Variants in RAB19 observed in about 807,000 individuals in gnomAD.
The protein encoded by RAB19 is RAB19, member RAS oncogene family.
In RAB19, 21 loss-of-function variants were observed where a neutral mutation model predicts 17.3. The observed-to-expected ratio is 1.21, with a 90% confidence interval of 0.86 to 1.74. The LOEUF is 1.74. Ranked by LOEUF, RAB19 falls within the 40% of genes most tolerant of loss-of-function variation. RAB19 has a pLI of 0.00. For missense variants in RAB19, 277 were observed against 286.8 expected (o/e 0.97, Z 0.25); for synonymous variants, 126 against 110.4 (o/e 1.14, Z -0.88).
chr7:140,414,748 G>A (rs561484578), intron 3 of RAB19, among the ~76,000 whole-genome samples: 17 of 152,208 alleles, frequency 1.1e-4, no homozygotes, highest in African/African-American at 1.9e-4. Flanking sequence ...CCTCATACAC[G>A]TGCTTCTTTC....
In RAB19 at chr7:140,407,906, T is replaced by C. The variant is rs79139287; in HGVS notation, c.201+59T>C. On this transcript the variant is annotated intron_variant, in intron 2 of 3. Transcript: ENST00000537763. ...TTTTTTTTTTTTTTTTTTTTTTTTT[T>C]CCTTGAGACGGAGTCTCGCGCGATC... 4.3e-4 allele frequency: 468 copies of C among 1,079,014 alleles called. 5 individuals carry two copies. The African/African-American group carries it at 7.4e-3, about 17-fold the overall frequency. 66.8% of individuals were successfully genotyped at this position (1,079,014 alleles called of 1,614,324 possible). A position where few individuals can be genotyped will look rare whatever the true frequency, so the allele number is the denominator to read the frequency against.
intron 2 of RAB19, among the ~76,000 whole-genome samples, chr7:140,410,459 T>C (rs944480403): frequency 3.3e-5 from 5 of 151,872 alleles, no homozygotes; most frequent in African/African-American, 7.3e-5. Flanking sequence ...CCCGAGTAGC[T>C]GGGACTACAG....
At chr7:140,420,264 T>C (rs1001253631) in intron 3 of RAB19, among the ~76,000 whole-genome samples, 1 of 151,354 alleles carries the variant, frequency 6.6e-6, no homozygotes, top group African/African-American at 2.4e-5. Context: ...CTACTAAAGA[T>C]ACAAAAAATA....
intron 2 of RAB19, among the ~76,000 whole-genome samples, chr7:140,409,850 G>A (rs36019125): frequency 0.15 from 22,619 of 150,992 alleles, 2,138 homozygotes; most frequent in Admixed American, 0.22. Flanking sequence ...AAAATCAGCC[G>A]GGCCTGGTGG....
chr7:140,423,757 T>G lies in RAB19; in HGVS notation c.386-2125T>G, dbSNP rs572810023. Among the ~76,000 whole-genome samples, 145 of 152,316 alleles carry G rather than the reference T, an allele frequency of 9.5e-4. 1 individual carries two copies. Among genetic ancestry groups the G allele is most frequent in the African/African-American group, 3.1e-3 (129 of 41,582 alleles). On this transcript the variant is annotated intron_variant, in intron 3 of 3. Transcript: ENST00000537763. ...TTCAGTGCTTTGACTGTGGTGGTGA[T>G]TGAAGGAATCTACGCATGTGATCAA...
intron 2 of RAB19, among the ~76,000 whole-genome samples, chr7:140,411,491 G>T (rs1367224352): frequency 6.6e-6 from 1 of 151,170 alleles, no homozygotes; most frequent in African/African-American, 2.4e-5. Context: ...AAGAAGAATT[G>T]TCTTGGGCCA....
chr7:140,426,294 CCA>C lies in RAB19; in HGVS notation c.*148_*149del, dbSNP rs1031343080. ...CCCTAATCCTCCCAGTCTGGATGGG[CCA>C]CACTTCTCCCTTGACTCACACCACA... On this transcript the variant is annotated 3_prime_UTR_variant, in exon 4 of 4. Transcript: ENST00000537763. 3.4e-5 allele frequency: 30 copies of C among 887,328 alleles called. No individual in the cohort carries two copies. The highest frequency in any genetic ancestry group is 5.0e-5 in the Non-Finnish European group (30 of 598,236). The allele number at this position is 887,328 out of a possible 1,614,324, so 55.0% of individuals were successfully genotyped here.
At chr7:140,405,775 C>T (rs1239070870) in intron 1 of RAB19, among the ~76,000 whole-genome samples, 23 of 116,856 alleles carry the variant, frequency 2.0e-4, no homozygotes, top group African/African-American at 7.5e-4. Context: ...GGTGACAGAG[C>T]GAGACTCTGT....
intron 3 of RAB19, among the ~76,000 whole-genome samples, chr7:140,416,633 G>A (rs150651028): frequency 3.3e-5 from 5 of 152,310 alleles, no homozygotes; most frequent in South Asian, 2.1e-4. Context: ...GGGCAGGGCC[G>A]TCTGTCACTG....
chr7:140,419,351 G>A (rs1424356877), intron 3 of RAB19, among the ~76,000 whole-genome samples: 2 of 152,152 alleles, frequency 1.3e-5, no homozygotes, highest in Non-Finnish European at 2.9e-5. Flanking sequence ...TTACAGGTGT[G>A]AGCCACTGTG....
At chr7:140,404,581 A>G (rs906120507) in intron 1 of RAB19, 4 of 152,144 alleles carry the variant, frequency 2.6e-5, no homozygotes, top group African/African-American at 7.2e-5. Context: ...GGGTTTTTGC[A>G]TGCAGATTGG....
Position 140,411,941 on chromosome 7 carries a change from C to A in RAB19, c.269C>A (p.Ala90Asp). The A allele has an allele frequency of 6.2e-7, 1 of 1,614,196 alleles. No individual in the cohort carries two copies. The highest frequency in any genetic ancestry group is 8.5e-7 in the Non-Finnish European group (1 of 1,180,050). Residue 90 changes from alanine to aspartate, a missense_variant, in exon 3 of 4, where the codon GCC (alanine) becomes GAC (aspartate). Physicochemically the swap from Ala to Asp is moderately radical, Grantham distance 126 (BLOSUM62 -2). Coordinates refer to ENST00000537763, the MANE Select transcript of RAB19 (RefSeq NM_001008749.3). ...ATCACCCAAAGCTACTACCGCAGTGCCCACGCAGCCATCATCGCCTATGAC... is the reference window on the plus strand; with the variant it reads ...ATCACCCAAAGCTACTACCGCAGTGACCACGCAGCCATCATCGCCTATGAC... ...RTITQSYYRS[A>D]HAAIIAYDLT...
chr7:140,416,562 G>A lies in RAB19; in HGVS notation c.385+4505G>A, dbSNP rs73478815. Among the ~76,000 whole-genome samples the A allele has an allele frequency of 5.3e-3, 801 of 152,204 alleles. 9 individuals are homozygous for A. Among genetic ancestry groups the A allele is most frequent in the African/African-American group, 0.019 (769 of 41,530 alleles). On this transcript the variant is annotated intron_variant, in intron 3 of 3. Coordinates refer to ENST00000537763, the MANE Select transcript of RAB19 (RefSeq NM_001008749.3). ...TCTTGGATTGGTACATTCTTGTCTG[G>A]CCATTTAATGTTCTGTGTGTCTGTC... is the stretch of plus-strand genomic sequence containing the variant.
chr7:140,418,381 G>A (rs1425199734), intron 3 of RAB19, among the ~76,000 whole-genome samples: 3 of 101,436 alleles, frequency 3.0e-5, no homozygotes, highest in South Asian at 3.1e-4. Flanking sequence ...GTGAAACCCC[G>A]TCTCTGCTAA....
intron 3 of RAB19, among the ~76,000 whole-genome samples, chr7:140,414,797 T>C (rs988048850): frequency 3.3e-5 from 5 of 152,140 alleles, no homozygotes; most frequent in African/African-American, 1.2e-4. Context: ...GAAGCCACTT[T>C]ATCAGCACAG....
chr7:140,425,950 T>G lies in RAB19; in HGVS notation c.454T>G (p.Tyr152Asp). The change falls in exon 4 of 4, where the codon TAC becomes GAC. Residue 152 changes from tyrosine to aspartate, a missense_variant. Transcript: ENST00000537763. ...FEDACTLAEK[Y>D]GLLAVLETSA... ...GGATGCCTGCACACTGGCTGAGAAGTACGGCCTCCTGGCCGTTTTGGAGAC... is the reference window on the plus strand; with the variant it reads ...GGATGCCTGCACACTGGCTGAGAAGGACGGCCTCCTGGCCGTTTTGGAGAC... 1 of 1,614,036 alleles carries G rather than the reference T, an allele frequency of 6.2e-7. No homozygotes were observed. Among genetic ancestry groups the G allele is most frequent in the Non-Finnish European group, 8.5e-7 (1 of 1,179,982 alleles).
At chr7:140,410,313 C>CTTTTTTTTTTTTTT (rs762151021) in intron 2 of RAB19, among the ~76,000 whole-genome samples, 16 of 81,038 alleles carry the variant, frequency 2.0e-4, no homozygotes, top group Non-Finnish European at 2.8e-4. Context: ...TTGTATTTTT[C>CTTTTTTTTTTTTTT]TTTTTTTTTT....
At chr7:140,424,159 A>ATT (rs201170019) in intron 3 of RAB19, among the ~76,000 whole-genome samples, 3 of 118,830 alleles carry the variant, frequency 2.5e-5, no homozygotes, top group African/African-American at 3.3e-5. Context: ...CTGGCTGATA[A>ATT]TTTTTTTTTT....
At chr7:140,411,775 G>A in intron 2 of RAB19, 99 bp from the exon 3 acceptor site, 1 of 1,604,370 alleles carries the variant, frequency 6.2e-7, no homozygotes, top group South Asian at 1.1e-5. Context: ...ATCTAGAAGT[G>A]AGACCCAGAA....
Sources: allele counts gnomAD v4.1 joint callset (sites outside exome capture counted in the v4.1 genomes callset), GRCh38; gene constraint gnomAD v4.1.1; transcripts MANE v1.5; gene names NCBI Gene and HGNC (gene_info 2026-07-23, HGNC 2026-07-21).